The following SLCO5A1 variants were observed in gnomAD, a reference collection of about 807,000 sequenced individuals.
The protein encoded by SLCO5A1 is organic anion transporter polypeptide-related protein 4.
A neutral mutation model predicts 65.1 loss-of-function variants in SLCO5A1; 39 were observed. The ratio of observed to expected loss-of-function variants is 0.60; its 90% confidence interval spans 0.46 to 0.78. The LOEUF (loss-of-function observed/expected upper bound fraction) is 0.78. SLCO5A1 is among the 30% of genes least tolerant of loss of function. The pLI is 0.00. For synonymous variants in SLCO5A1, 438 were observed against 415.7 expected, an observed-to-expected ratio of 1.05 and a Z score of -0.65; for missense variants, 1,029 against 1,069.4, an observed-to-expected ratio of 0.96 and a Z score of 0.53.
intron 5 of SLCO5A1, among the ~76,000 whole-genome samples, chr8:69,731,330 C>T (rs572521672): frequency 6.6e-6 from 1 of 152,314 alleles, no homozygotes; most frequent in South Asian, 2.1e-4. Context: ...TTACTTTCAA[C>T]AGCAAAAACC....
At chr8:69,823,414 T>C (rs1475753670) in intron 2 of SLCO5A1, among the ~76,000 whole-genome samples, 1 of 151,710 alleles carries the variant, frequency 6.6e-6, no homozygotes. Flanking sequence ...AGGCTCAAAA[T>C]AAAAGGATGG....
At chr8:69,691,897 G>A (rs1458023307) in intron 6 of SLCO5A1, among the ~76,000 whole-genome samples, 1 of 152,134 alleles carries the variant, frequency 6.6e-6, no homozygotes, top group African/African-American at 2.4e-5. Context: ...AATACCATAG[G>A]CAATTACAAC....
At chr8:69,686,730 G>A (rs961037770) in intron 6 of SLCO5A1, among the ~76,000 whole-genome samples, 4 of 152,164 alleles carry the variant, frequency 2.6e-5, no homozygotes, top group African/African-American at 9.7e-5. Flanking sequence ...TGGCAGGGAA[G>A]CTTTGTGTAA....
At chr8:69,806,747 C>G (rs566759535) in intron 2 of SLCO5A1, among the ~76,000 whole-genome samples, 1 of 152,308 alleles carries the variant, frequency 6.6e-6, no homozygotes, top group South Asian at 2.1e-4. Flanking sequence ...GCCTATGTCT[C>G]AAGGTCTTAT....
chr8:69,826,694 AC>A (rs1294782848), intron 2 of SLCO5A1, among the ~76,000 whole-genome samples: 4 of 152,226 alleles, frequency 2.6e-5, no homozygotes, highest in Non-Finnish European at 5.9e-5. Context: ...GACTAGTTCA[AC>A]CAACCAATGT....
Position 69,751,387 on chromosome 8 carries a change from G to A in SLCO5A1, c.1258+4037C>T, listed in dbSNP as rs150858356. Among the ~76,000 whole-genome samples, 14 of 152,204 alleles carry A rather than the reference G, an allele frequency of 9.2e-5. No individual in the cohort carries two copies. In the East Asian group the frequency reaches 2.3e-3, roughly 25 times the overall value. Reference sequence around the variant, plus strand: ...TTCCCCTTTGCGGTGTCTTAAATCAGTGTTATTCCTGCATAATTTATAATA... The same window carrying A: ...TTCCCCTTTGCGGTGTCTTAAATCAATGTTATTCCTGCATAATTTATAATA... On this transcript the variant is annotated intron_variant, in intron 4 of 9. Transcript: ENST00000260126.
intron 4 of SLCO5A1, among the ~76,000 whole-genome samples, chr8:69,746,757 T>C (rs747899835): frequency 6.6e-6 from 1 of 152,174 alleles, no homozygotes; most frequent in Non-Finnish European, 1.5e-5. Flanking sequence ...ATATTAATCA[T>C]GTTTATAAAT....
intron 2 of SLCO5A1, chr8:69,794,094 C>A: frequency 5.4e-6 from 1 of 185,928 alleles, no homozygotes; most frequent in Non-Finnish European, 1.1e-5. Flanking sequence ...GTTTCCCTGG[C>A]AGTCCTGGTG....
At chr8:69,788,299 C>A (rs977429686) in intron 2 of SLCO5A1, among the ~76,000 whole-genome samples, 2 of 152,048 alleles carry the variant, frequency 1.3e-5, no homozygotes, top group Non-Finnish European at 2.9e-5. Context: ...TTAAAAAAAA[C>A]AAAAGACTGT....
At chr8:69,760,706 T>G (rs1013877850) in intron 3 of SLCO5A1, among the ~76,000 whole-genome samples, 1 of 152,200 alleles carries the variant, frequency 6.6e-6, no homozygotes, top group African/African-American at 2.4e-5. Context: ...ATATTTTCAG[T>G]TAGTGCTTGC....
chr8:69,816,049 G>A (rs1255529539), intron 2 of SLCO5A1, among the ~76,000 whole-genome samples: 1 of 152,054 alleles, frequency 6.6e-6, no homozygotes, highest in Non-Finnish European at 1.5e-5. Context: ...ATACTTCTCT[G>A]ATTCTATGAT....
intron 5 of SLCO5A1, among the ~76,000 whole-genome samples, chr8:69,722,350 T>C (rs1305880336): frequency 6.6e-6 from 1 of 152,144 alleles, no homozygotes; most frequent in Non-Finnish European, 1.5e-5. Context: ...AACAGCTCTA[T>C]AAACAGGTAT....
intron 4 of SLCO5A1, among the ~76,000 whole-genome samples, chr8:69,748,253 C>T (rs1401205271): frequency 2.6e-5 from 4 of 152,196 alleles, no homozygotes; most frequent in Non-Finnish European, 5.9e-5. Flanking sequence ...TCATTAGTGG[C>T]TCCTGGCCAC....
chr8:69,749,437 G>A (rs1563699097), intron 4 of SLCO5A1, among the ~76,000 whole-genome samples: 1 of 152,082 alleles, frequency 6.6e-6, no homozygotes, highest in East Asian at 1.9e-4. Flanking sequence ...GGCCAACATG[G>A]TGAAACCCCA....
chr8:69,730,269 A>G (rs1816272939), intron 5 of SLCO5A1, among the ~76,000 whole-genome samples: 1 of 152,220 alleles, frequency 6.6e-6, no homozygotes, highest in Admixed American at 6.5e-5. Flanking sequence ...ACATGGCCAG[A>G]GTTTGTGGGG....
At chr8:69,676,223 T>C (rs1265289219) in intron 9 of SLCO5A1, among the ~76,000 whole-genome samples, 2 of 152,214 alleles carry the variant, frequency 1.3e-5, no homozygotes, top group East Asian at 3.9e-4. Context: ...AAGTGAGGCA[T>C]TGAAAACTTC....
intron 2 of SLCO5A1, among the ~76,000 whole-genome samples, chr8:69,813,515 T>C (rs1820292240): frequency 6.6e-6 from 1 of 152,218 alleles, no homozygotes; most frequent in African/African-American, 2.4e-5. Context: ...CATAATTCCC[T>C]AGAGGGGAAG....
intron 2 of SLCO5A1, among the ~76,000 whole-genome samples, chr8:69,823,867 T>C (rs941572903): frequency 2.6e-5 from 4 of 152,142 alleles, no homozygotes; most frequent in Admixed American, 6.5e-5. Context: ...ATTAACCACA[T>C]AGTTGGAAGT....
intron 2 of SLCO5A1, among the ~76,000 whole-genome samples, chr8:69,780,174 G>A (rs1362445380): frequency 1.3e-5 from 2 of 152,174 alleles, no homozygotes; most frequent in African/African-American, 4.8e-5. Flanking sequence ...AGGATACAGA[G>A]AAAAGGGAAC....
Sources: allele counts gnomAD v4.1 joint callset (sites outside exome capture counted in the v4.1 genomes callset), GRCh38; gene constraint gnomAD v4.1.1; transcripts MANE v1.5; gene names NCBI Gene and HGNC (gene_info 2026-07-23, HGNC 2026-07-21).